MECOM: variants seen among roughly 807,000 people sequenced by gnomAD.
MECOM encodes the protein histone-lysine N-methyltransferase MECOM.
A neutral mutation model predicts 116.3 loss-of-function variants in MECOM; 13 were observed. The ratio of observed to expected loss-of-function variants is 0.11; its 90% confidence interval spans 0.07 to 0.18. The LOEUF (loss-of-function observed/expected upper bound fraction) is 0.18. Among genes scored for constraint, MECOM ranks in the 10% least tolerant of loss-of-function variants. The pLI is 1.00. For synonymous variants in MECOM, 528 were observed against 535.2 expected (o/e 0.99, Z 0.19); for missense variants, 1,299 against 1,509.0 (o/e 0.86, Z 2.31).
chr3:169,400,768 T>C (rs544146183), intron 1 of MECOM, among the ~76,000 whole-genome samples: 1 of 152,312 alleles, frequency 6.6e-6, no homozygotes, highest in South Asian at 2.1e-4. Context: ...TACCAGAAGC[T>C]ATTTAGGATT....
intron 1 of MECOM, among the ~76,000 whole-genome samples, chr3:169,505,788 A>C (rs1201133560): frequency 6.6e-6 from 1 of 152,252 alleles, no homozygotes; most frequent in Non-Finnish European, 1.5e-5. Context: ...TTTGGAGGCC[A>C]CATGTAAGCC....
At chr3:169,556,173 T>A (rs755194889) in intron 1 of MECOM, among the ~76,000 whole-genome samples, 1 of 152,182 alleles carries the variant, frequency 6.6e-6, no homozygotes, top group East Asian at 1.9e-4. Flanking sequence ...TTTCCTTTGA[T>A]GGCCAATTAA....
intron 1 of MECOM, among the ~76,000 whole-genome samples, chr3:169,485,080 C>T (rs1350213600): frequency 6.6e-6 from 1 of 152,080 alleles, no homozygotes; most frequent in African/African-American, 2.4e-5. Flanking sequence ...CTGCAACCTC[C>T]ACCCCCTGGG....
chr3:169,090,465 T>C (rs1172578819), intron 14 of MECOM, among the ~76,000 whole-genome samples: 3 of 152,094 alleles, frequency 2.0e-5, no homozygotes, highest in Admixed American at 6.6e-5. Context: ...ATGAAGCCTC[T>C]GGCAGAACCC....
intron 1 of MECOM, among the ~76,000 whole-genome samples, chr3:169,565,188 C>A (rs1318599462): frequency 6.6e-6 from 1 of 152,164 alleles, no homozygotes; most frequent in Non-Finnish European, 1.5e-5. Flanking sequence ...GGAGAACTAC[C>A]TTCCAATTCC....
At chr3:169,184,161 G>A (rs544937092) in intron 2 of MECOM, among the ~76,000 whole-genome samples, 1 of 152,244 alleles carries the variant, frequency 6.6e-6, no homozygotes, top group African/African-American at 2.4e-5. Context: ...ACCACGCCTG[G>A]CCAGGACTGT....
At chr3:169,152,011 T>G (rs1741240171) in intron 2 of MECOM, among the ~76,000 whole-genome samples, 1 of 151,444 alleles carries the variant, frequency 6.6e-6, no homozygotes, top group African/African-American at 2.4e-5. Flanking sequence ...TCTGTTTAAT[T>G]TTAATAATTT....
chr3:169,584,310 A>T (rs957058398), intron 1 of MECOM, among the ~76,000 whole-genome samples: 5 of 152,132 alleles, frequency 3.3e-5, no homozygotes, highest in Non-Finnish European at 5.9e-5. Context: ...TCACTCCTGT[A>T]ATCCCAGCAC....
intron 1 of MECOM, among the ~76,000 whole-genome samples, chr3:169,393,154 C>A (rs886186510): frequency 6.6e-6 from 1 of 152,116 alleles, no homozygotes; most frequent in Admixed American, 6.6e-5. Flanking sequence ...TACAAATGAT[C>A]CAAACCACAA....
rs979399373 is a variant in MECOM, at chr3:169,083,608, A to G, written c.*1301T>C. ...CAAAGCATTTGAAGAAAGTACCTCA[A>G]CTTGCTGATTATTTCAAAATGAGAT... On this transcript the variant is annotated 3_prime_UTR_variant, in exon 17 of 17. Coordinates refer to ENST00000651503, the MANE Select transcript of MECOM (RefSeq NM_004991.4). 1.5e-5 allele frequency: 3 copies of G among 194,180 alleles called. No homozygotes were observed. Among genetic ancestry groups the G allele is most frequent in the Middle Eastern group, 1.7e-3 (1 of 580 alleles). The allele number at this position is 194,180 out of a possible 1,614,324, so 12.0% of individuals were successfully genotyped here.
chr3:169,173,287 T>C lies in MECOM; in HGVS notation c.376-29455A>G, dbSNP rs1420853198. ...TCCTGGGATCATTTTCTCTGCTAGC[T>C]GAGGAAATGCTGAATTTCCTCCAAG... On this transcript the variant is annotated intron_variant, in intron 2 of 16. Coordinates refer to ENST00000651503, the MANE Select transcript of MECOM (RefSeq NM_004991.4). Among the ~76,000 whole-genome samples the C allele has an allele frequency of 3.9e-5, 6 of 152,118 alleles. No homozygotes were observed. The East Asian group carries it at 1.2e-3, about 29-fold the overall frequency.
intron 15 of MECOM, among the ~76,000 whole-genome samples, 186 bp downstream of exon 15, chr3:169,089,814 A>G (rs1461739786): frequency 1.3e-5 from 2 of 152,080 alleles, no homozygotes; most frequent in African/African-American, 4.8e-5. Flanking sequence ...ATGTATTTAT[A>G]TGCTTGTGGA....
chr3:169,207,388 G>T (rs1750079305), intron 2 of MECOM, among the ~76,000 whole-genome samples: 1 of 152,236 alleles, frequency 6.6e-6, no homozygotes, highest in Admixed American at 6.5e-5. Flanking sequence ...GTTAAGCAGA[G>T]GATAAGCTAT....
intron 2 of MECOM, among the ~76,000 whole-genome samples, chr3:169,347,798 G>A (rs1401690315): frequency 6.6e-6 from 1 of 151,958 alleles, no homozygotes; most frequent in African/African-American, 2.4e-5. Context: ...AAGAGCTCAG[G>A]GAATGGATTT....
At chr3:169,281,416 T>C (rs1424306477) in intron 2 of MECOM, among the ~76,000 whole-genome samples, 1 of 152,232 alleles carries the variant, frequency 6.6e-6, no homozygotes, top group Non-Finnish European at 1.5e-5. Flanking sequence ...GAAAATGCTT[T>C]GTGAACTCTA....
chr3:169,169,673 A>G (rs1004988771), intron 2 of MECOM, among the ~76,000 whole-genome samples: 1 of 152,208 alleles, frequency 6.6e-6, no homozygotes, highest in African/African-American at 2.4e-5. Flanking sequence ...AATGTGAAAT[A>G]ATGTGCACCA....
chr3:169,473,083 C>G (rs1749811673), intron 1 of MECOM: 2 of 359,922 alleles, frequency 5.6e-6, no homozygotes, highest in South Asian at 1.1e-4. Context: ...AAAAGGAGGT[C>G]CACCACAGTG....
intron 1 of MECOM, among the ~76,000 whole-genome samples, chr3:169,566,505 C>T (rs905134784): frequency 5.3e-5 from 8 of 152,152 alleles, no homozygotes; most frequent in Admixed American, 3.3e-4. Context: ...TTGCTGATTG[C>T]CAGGTACCAT....
rs1262645424 is a variant in MECOM, at chr3:169,112,818, C to T, written c.2546G>A (p.Arg849Lys). ...GTGAAACAAGAATCCTGGAGAAGGC[C>T]TCAAGTATTTCTCTTTTAAAGCTTC... is the stretch of plus-strand genomic sequence containing the variant. ...PLEALKEKYLRPSPGFLFHPQ... is the reference protein window; with the variant it reads ...PLEALKEKYLKPSPGFLFHPQ... The change falls in exon 9 of 17, where the codon AGG (arginine) becomes AAG (lysine). Residue 849 changes from arginine to lysine, a missense_variant. Coordinates refer to ENST00000651503, the MANE Select transcript of MECOM (RefSeq NM_004991.4). 6.2e-7 allele frequency: 1 copy of T among 1,613,074 alleles called. No homozygotes were observed. The highest frequency in any genetic ancestry group is 8.5e-7 in the Non-Finnish European group (1 of 1,179,410).
Sources: allele counts gnomAD v4.1 joint callset (sites outside exome capture counted in the v4.1 genomes callset), GRCh38; gene constraint gnomAD v4.1.1; transcripts MANE v1.5; gene names NCBI Gene and HGNC (gene_info 2026-07-23, HGNC 2026-07-21).